Variants in PCDHA2 observed in about 807,000 individuals in gnomAD.
PCDHA2 encodes protocadherin alpha-2.
A neutral mutation model predicts 66.0 loss-of-function variants in PCDHA2; 58 were observed. The observed-to-expected ratio is 0.88, with a 90% CI of 0.71 to 1.09. PCDHA2 has a LOEUF of 1.09. Among genes scored for constraint, PCDHA2 ranks in the 50% least tolerant of loss-of-function variants. PCDHA2 has a pLI of 0.00. For missense variants in PCDHA2, 1,267 were observed against 1,242.3 expected (o/e 1.02, Z -0.30); for synonymous variants, 634 against 554.0 (o/e 1.14, Z -2.03).
chr5:140,879,923 G>C (rs2058180033), intron 1 of PCDHA2, among the ~76,000 whole-genome samples: 1 of 152,132 alleles, frequency 6.6e-6, no homozygotes, highest in South Asian at 2.1e-4. Context: ...GTTTTACAAA[G>C]GTACATGTGA....
At chr5:140,902,406 T>A (rs1166768605) in intron 1 of PCDHA2, among the ~76,000 whole-genome samples, 1 of 152,088 alleles carries the variant, frequency 6.6e-6, no homozygotes, top group Non-Finnish European at 1.5e-5. Flanking sequence ...AATACTATGT[T>A]GAATAACAGT....
chr5:140,811,516 A>T (rs1416557268), intron 1 of PCDHA2: 2 of 152,220 alleles, frequency 1.3e-5, no homozygotes, highest in Non-Finnish European at 1.5e-5. Flanking sequence ...TCCTTTAGAT[A>T]TATACCCAGT....
chr5:140,987,523 T>C (rs942927324), intron 3 of PCDHA2, among the ~76,000 whole-genome samples: 1 of 152,174 alleles, frequency 6.6e-6, no homozygotes, highest in Non-Finnish European at 1.5e-5. Context: ...AGTAATTGTA[T>C]GTTCCTGGGA....
intron 1 of PCDHA2, among the ~76,000 whole-genome samples, chr5:140,880,163 AGAAGTTAAACAT>A (rs2058253523): frequency 6.6e-6 from 1 of 152,260 alleles, no homozygotes; most frequent in Admixed American, 6.5e-5. Flanking sequence ...AGTATATGTT[AGAAGTTAAACAT>A]GAAGGGAAAA....
At chr5:140,843,385 T>C (rs2150358841) in intron 1 of PCDHA2, 2 of 1,595,900 alleles carry the variant, frequency 1.3e-6, no homozygotes, top group Admixed American at 1.7e-5. Context: ...GCGTTTTGGG[T>C]CCGGAAGCGG....
chr5:140,837,517 T>G (rs11420784), intron 1 of PCDHA2, among the ~76,000 whole-genome samples: 2 of 28,958 alleles, frequency 6.9e-5, no homozygotes, highest in African/African-American at 3.1e-4. Context: ...AGCAGTTTAC[T>G]TTTTTTGTAT....
At chr5:140,927,824 A>C in intron 1 of PCDHA2, 1 of 1,614,182 alleles carries the variant, frequency 6.2e-7, no homozygotes, top group Non-Finnish European at 8.5e-7. Context: ...GCATACATTG[A>C]GGCGAGGGAC....
intron 1 of PCDHA2, chr5:140,830,589 T>C (rs1025294463): frequency 8.4e-5 from 61 of 722,306 alleles, no homozygotes; most frequent in Non-Finnish European, 1.2e-4. Context: ...TAATTAATTT[T>C]ACAAAATTAC....
intron 1 of PCDHA2, chr5:140,882,642 A>C (rs2153386129): frequency 6.2e-7 from 1 of 1,614,224 alleles, no homozygotes; most frequent in East Asian, 2.2e-5. Flanking sequence ...AAGGTGAGGG[A>C]CATTAACGAC....
At chr5:140,807,551 G>A in intron 1 of PCDHA2, 1 of 1,614,204 alleles carries the variant, frequency 6.2e-7, no homozygotes. Flanking sequence ...TGTGGACGTG[G>A]AGGTGAGGGA....
At chr5:140,867,805 T>C (rs1260432905) in intron 1 of PCDHA2, 1 of 152,150 alleles carries the variant, frequency 6.6e-6, no homozygotes. Flanking sequence ...GCATTTTCTA[T>C]GAAATTCCAT....
At chr5:140,932,688 TA>T (rs1214634464) in intron 1 of PCDHA2, among the ~76,000 whole-genome samples, 4 of 151,810 alleles carry the variant, frequency 2.6e-5, no homozygotes, top group African/African-American at 9.7e-5. Flanking sequence ...ATATTCAAAT[TA>T]AAAAACTCAT....
intron 1 of PCDHA2, chr5:140,807,072 A>G (rs4151680): frequency 0.54 from 630,909 of 1,172,510 alleles, 171,587 homozygotes; most frequent in African/African-American, 0.7. Flanking sequence ...GGAACCATAT[A>G]CACTCTTTGG....
At chr5:140,842,943 G>A (rs2150348424) in intron 1 of PCDHA2, 4 of 1,594,646 alleles carry the variant, frequency 2.5e-6, no homozygotes, top group Non-Finnish European at 3.4e-6. Context: ...CGCGACGCGG[G>A]CGTGCCGCCT....
Position 140,859,942 on chromosome 5 carries a change from C to T in PCDHA2, c.2388+62590C>T, listed in dbSNP as rs188063424. ...AGTAATATAAAAAACTTAGTAAAAACTCATATCAATTGTAAAAGTCTCAGG... is the reference window on the plus strand; with the variant it reads ...AGTAATATAAAAAACTTAGTAAAAATTCATATCAATTGTAAAAGTCTCAGG... On this transcript the variant is annotated intron_variant, in intron 1 of 3. Coordinates refer to ENST00000526136, the MANE Select transcript of PCDHA2 (RefSeq NM_018905.3). 5.9e-5 allele frequency: 9 copies of T among 151,828 alleles called. No individual in the cohort carries two copies. The East Asian group carries it at 1.5e-3, about 26-fold the overall frequency. 9.4% of individuals were successfully genotyped at this position (151,828 alleles called of 1,614,324 possible). A position where few individuals can be genotyped will look rare whatever the true frequency, so the allele number is the denominator to read the frequency against.
chr5:140,894,892 G>T (rs941698896), intron 1 of PCDHA2, among the ~76,000 whole-genome samples: 8 of 152,060 alleles, frequency 5.3e-5, no homozygotes, highest in Non-Finnish European at 1.0e-4. Flanking sequence ...AACAGACCAG[G>T]ATAATTTTCC....
chr5:141,009,011 T>C (rs1461112133), intron 3 of PCDHA2, among the ~76,000 whole-genome samples: 1 of 152,256 alleles, frequency 6.6e-6, no homozygotes, highest in East Asian at 1.9e-4. Context: ...ATATTTTGCC[T>C]TTAGGCTCTG....
chr5:140,904,773 CATT>C (rs2071382352), intron 1 of PCDHA2, among the ~76,000 whole-genome samples: 1 of 152,076 alleles, frequency 6.6e-6, no homozygotes, highest in Non-Finnish European at 1.5e-5. Flanking sequence ...GATGGTATCA[CATT>C]ATTGTTTTAA....
rs781791963 is a variant in PCDHA2 at position 140,809,224 on chromosome 5, C to T, written c.2388+11872C>T. ...AGAGTGGACAGGCGCCAAAGGCCTCCTCACGGGCGTTGGTGGGCGCTGTGG... is the reference window on the plus strand; with the variant it reads ...AGAGTGGACAGGCGCCAAAGGCCTCTTCACGGGCGTTGGTGGGCGCTGTGG... On this transcript the variant is annotated intron_variant, in intron 1 of 3. Transcript: ENST00000526136. 33 of 1,613,966 alleles carry T rather than the reference C, an allele frequency of 2.0e-5. No individual in the cohort carries two copies. In the Admixed American group the frequency reaches 5.5e-4, roughly 27 times the overall value.
Sources: gnomAD v4.1 joint callset for allele counts (sites outside exome capture counted in the v4.1 genomes callset) on GRCh38, gnomAD v4.1.1 for gene constraint, MANE v1.5 for transcripts, NCBI Gene and HGNC (gene_info 2026-07-23, HGNC 2026-07-21) for gene names.